GREP1: variants seen among roughly 807,000 people sequenced by gnomAD.
The protein encoded by GREP1 is glycine rich extracellular protein 1.
chr16:2,999,342 C>A (rs1418177359), intron 27 of GREP1: 2 of 398,600 alleles, frequency 5.0e-6, no homozygotes, highest in African/African-American at 2.1e-5. Flanking sequence ...CCCAGAGGGA[C>A]AAACTCTCAG....
In GREP1 at chr16:2,992,607, AG is replaced by A. The variant is rs1340062508; in HGVS notation, c.323-195del. ...CCATGGAGGACACCCAAGCTGGTCA[AG>A]GGTGGCCACGGTCTGGACTCCCGGG... On this transcript the variant is annotated intron_variant, in intron 8 of 34. Transcript: ENST00000573315. The surrounding 1 kb of genome is among the most constrained non-coding windows in gnomAD (Gnocchi z 4.9). The A allele has an allele frequency of 5.2e-6, 2 of 387,888 alleles. No individual in the cohort carries two copies. Among genetic ancestry groups the A allele is most frequent in the Non-Finnish European group, 9.1e-6 (2 of 219,752 alleles). 24.0% of individuals were successfully genotyped at this position (387,888 alleles called of 1,614,324 possible). A position where few individuals can be genotyped will look rare whatever the true frequency, so the allele number is the denominator to read the frequency against.
exon 35 of GREP1, chr16:3,001,938 T>G (rs770316310): frequency 3.6e-5 from 11 of 305,540 alleles, no homozygotes; most frequent in Non-Finnish European, 5.4e-5. Context: ...GTTAGGGGCC[T>G]TGTGCATGGA....
At chr16:2,996,506 T>C (rs960714688) in exon 19 of GREP1, 3 of 395,286 alleles carry the variant, frequency 7.6e-6, no homozygotes, top group Non-Finnish European at 1.3e-5. Context: ...AATATGGCCA[T>C]GGAAATGGAC....
chr16:2,995,458 G>T (rs2072419843), intron 15 of GREP1, 142 bp downstream of exon 15: 1 of 398,818 alleles, frequency 2.5e-6, no homozygotes, highest in Non-Finnish European at 4.4e-6. Flanking sequence ...TGGGGTCTGG[G>T]GTTCTACCCC....
intron 27 of GREP1, among the ~76,000 whole-genome samples, chr16:2,999,608 A>G (rs868530528): frequency 2.0e-5 from 3 of 150,424 alleles, no homozygotes; most frequent in Middle Eastern, 3.5e-3. Flanking sequence ...ACGCACCACC[A>G]TACCTGGCTA....
At chr16:2,988,319 C>A in exon 1 of GREP1, 1 of 399,314 alleles carries the variant, frequency 2.5e-6, no homozygotes. Context: ...CCTTCTCTGC[C>A]TGACTTCCGA....
At chr16:2,993,293 G>T in intron 10 of GREP1, 1 of 207,612 alleles carries the variant, frequency 4.8e-6, no homozygotes, top group African/African-American at 2.3e-5. Flanking sequence ...TCAGAGAGCA[G>T]GCGAGCCCCA....
Position 2,994,969 on chromosome 16 carries a change from G to C in GREP1, c.484+7G>C, listed in dbSNP as rs1210692512. 7.5e-6 allele frequency: 3 copies of C among 398,998 alleles called. No individual in the cohort carries two copies. Among genetic ancestry groups the C allele is most frequent in the African/African-American group, 2.1e-5 (1 of 48,584 alleles). 24.7% of individuals were successfully genotyped at this position (398,998 alleles called of 1,614,324 possible). ...GGGCTGGGAGCCCAGCCAGGTGAAG[G>C]GGGTACAGTCTGGGGTTCCAGGGTC... On this transcript the variant is annotated splice_region_variant and intron_variant, in intron 13 of 34. Coordinates refer to ENST00000573315, the Ensembl canonical transcript of GREP1.
At chr16:3,001,330 C>T (rs753658039) in exon 34 of GREP1, 5 of 399,066 alleles carry the variant, frequency 1.3e-5, no homozygotes, top group Non-Finnish European at 2.2e-5. Flanking sequence ...GGAATGGCTA[C>T]GGAGGTGAGA....
At position 2,992,480 on chromosome 16, in the gene GREP1, G is replaced by C. The variant is rs886258715; in HGVS notation, c.323-325G>C. On this transcript the variant is annotated intron_variant, in intron 8 of 34. Transcript: ENST00000573315. The surrounding 1 kb of genome is among the most constrained non-coding windows in gnomAD (Gnocchi z 4.9). ...CTGGGGTGGCTGGGGGAGAGGTCAG[G>C]GGCCCAGGGCCACACTCTGGGTCCC... is the stretch of plus-strand genomic sequence containing the variant. 6 of 214,678 alleles carry C rather than the reference G, an allele frequency of 2.8e-5. No individual in the cohort carries two copies. The highest frequency in any genetic ancestry group is 1.1e-4 in the African/African-American group (5 of 43,826). The allele number at this position is 214,678 out of a possible 1,614,324, so 13.3% of individuals were successfully genotyped here.
At chr16:2,997,455 G>A (rs1408204813) in intron 22 of GREP1, 6 of 399,022 alleles carry the variant, frequency 1.5e-5, no homozygotes, top group Admixed American at 4.4e-5. Flanking sequence ...GTGCAGAAAG[G>A]AGGAAAGAGG....
chr16:2,991,264 C>T lies in GREP1; in HGVS notation c.322+163C>T, dbSNP rs988735355. 2.0e-5 allele frequency: 8 copies of T among 395,898 alleles called. No individual in the cohort carries two copies. The highest frequency in any genetic ancestry group is 8.8e-5 in the Admixed American group (2 of 22,634). 24.5% of individuals were successfully genotyped at this position (395,898 alleles called of 1,614,324 possible). A position where few individuals can be genotyped will look rare whatever the true frequency, so the allele number is the denominator to read the frequency against. On this transcript the variant is annotated intron_variant, in intron 8 of 34. Transcript: ENST00000573315. The surrounding 1 kb of genome is among the most constrained non-coding windows in gnomAD (Gnocchi z 4.9). ...GGCCTGGGAGTGGGCGTGAAACCTC[C>T]GAAGCCAGGTGAGGCAGAGCCCTGC...
At chr16:2,993,806 A>G (rs1338387054) in intron 10 of GREP1, 1 of 152,206 alleles carries the variant, frequency 6.6e-6, no homozygotes, top group African/African-American at 2.4e-5. Flanking sequence ...GAAAATACAA[A>G]AAAATCAGTC....
At chr16:2,993,361 G>T (rs567424769) in intron 10 of GREP1, 12 of 158,748 alleles carry the variant, frequency 7.6e-5, no homozygotes, top group Non-Finnish European at 1.2e-4. Flanking sequence ...AACCAATCCA[G>T]GCCTGGAGCA....
rs1422010754 is a variant in GREP1 at position 2,992,800 on chromosome 16, A to G, written c.323-5A>G. The G allele has an allele frequency of 1.0e-5, 4 of 399,034 alleles. No homozygotes were observed. The highest frequency in any genetic ancestry group is 3.6e-5 in the East Asian group (1 of 28,082). The allele number at this position is 399,034 out of a possible 1,614,324, so 24.7% of individuals were successfully genotyped here. On this transcript the variant is annotated splice_region_variant and splice_polypyrimidine_tract_variant and intron_variant, in intron 8 of 34. Coordinates refer to ENST00000573315, the Ensembl canonical transcript of GREP1. The surrounding 1 kb of genome is among the most constrained non-coding windows in gnomAD (Gnocchi z 4.9). ...TTCCACACTCCTGTGTCTGCCCTCA[A>G]ACAGGTCCTGCCGCTCAAAATGGCT... is the stretch of plus-strand genomic sequence containing the variant.
chr16:2,995,595 C>T (rs2072420439), intron 15 of GREP1, 24 bp from the exon 16 acceptor site: 1 of 398,732 alleles, frequency 2.5e-6, no homozygotes, highest in Non-Finnish European at 4.4e-6. Context: ...CCCAAATCCC[C>T]ACCCCACCCT....
At chr16:2,998,814 C>G (rs1046221045) in intron 25 of GREP1, 34 bp from the exon 24 acceptor site, 2 of 399,014 alleles carry the variant, frequency 5.0e-6, no homozygotes, top group Non-Finnish European at 8.8e-6. Flanking sequence ...TGGCCTGGAG[C>G]ATAGCCCCAC....
At chr16:2,995,304 G>A (rs928575100) in exon 14 of GREP1, 3 of 398,846 alleles carry the variant, frequency 7.5e-6, no homozygotes, top group Non-Finnish European at 1.3e-5. Flanking sequence ...GGACATGAAG[G>A]CACAGGAGCC....
chr16:2,997,575 C>A (rs2072432391), intron 22 of GREP1, among the ~76,000 whole-genome samples: 1 of 151,860 alleles, frequency 6.6e-6, no homozygotes, highest in Non-Finnish European at 1.5e-5. Flanking sequence ...GAGGGAGGTG[C>A]TGGGAGCTCC....
Sources: allele counts gnomAD v4.1 joint callset (sites outside exome capture counted in the v4.1 genomes callset), GRCh38; gene constraint gnomAD v4.1.1; non-coding constraint Gnocchi (gnomAD v3.1); transcripts MANE v1.5; gene names NCBI Gene and HGNC (gene_info 2026-07-23, HGNC 2026-07-21).